PDE4B: variants seen among roughly 807,000 people sequenced by gnomAD.
PDE4B encodes 3',5'-cyclic-AMP phosphodiesterase 4B.
Under a neutral mutation model 82.2 loss-of-function variants are expected in PDE4B, and 20 were observed. The observed-to-expected ratio is 0.24, with a 90% CI of 0.17 to 0.35. The LOEUF (loss-of-function observed/expected upper bound fraction) is 0.35. Among genes scored for constraint, PDE4B ranks in the 10% least tolerant of loss-of-function variants. The probability of loss-of-function intolerance (pLI) is 1.00; values close to 1 mark genes in which losing one functional copy is unlikely to be tolerated. For missense variants in PDE4B, 655 were observed against 907.2 expected, an observed-to-expected ratio of 0.72 and a Z score of 3.57; for synonymous variants, 320 against 318.9, an observed-to-expected ratio of 1.00 and a Z score of -0.04.
intron 8 of PDE4B, among the ~76,000 whole-genome samples, chr1:66,336,552 G>T (rs1208241043): frequency 6.6e-6 from 1 of 152,154 alleles, no homozygotes; most frequent in Non-Finnish European, 1.5e-5. Flanking sequence ...ATTCTCCATT[G>T]GTTTGGCTCT....
intron 1 of PDE4B, among the ~76,000 whole-genome samples, chr1:65,877,207 T>C (rs1386021846): frequency 6.6e-6 from 1 of 152,158 alleles, no homozygotes; most frequent in African/African-American, 2.4e-5. Flanking sequence ...AACAGACATA[T>C]AGACCAATGG....
At position 66,262,809 on chromosome 1, in the gene PDE4B, A is replaced by G. The variant is rs147522980; in HGVS notation, c.585-3229A>G. On this transcript the variant is annotated intron_variant, in intron 6 of 16. Transcript: ENST00000341517. ...CACACAGAGATGCTTATCTGAATTGACAACTCTAAATAAAGCCATATTTTC... is the reference window on the plus strand; with the variant it reads ...CACACAGAGATGCTTATCTGAATTGGCAACTCTAAATAAAGCCATATTTTC... 2.7e-3 allele frequency among the ~76,000 whole-genome samples: 409 copies of G among 152,368 alleles called. 2 individuals are homozygous for G. Among genetic ancestry groups the G allele is most frequent in the African/African-American group, 9.4e-3 (391 of 41,592 alleles).
At chr1:66,284,130 A>G (rs926954478) in intron 7 of PDE4B, among the ~76,000 whole-genome samples, 10 of 152,240 alleles carry the variant, frequency 6.6e-5, no homozygotes, top group African/African-American at 2.2e-4. Context: ...AAGCATGAAT[A>G]AAGTGCTCTG....
intron 7 of PDE4B, among the ~76,000 whole-genome samples, chr1:66,300,702 A>C (rs543302309): frequency 6.6e-6 from 1 of 152,270 alleles, no homozygotes; most frequent in South Asian, 2.1e-4. Context: ...CCTGAACTCA[A>C]GATCTTTACC....
At chr1:66,319,753 A>G (rs540888166) in intron 7 of PDE4B, among the ~76,000 whole-genome samples, 23 of 152,344 alleles carry the variant, frequency 1.5e-4, no homozygotes, top group African/African-American at 5.5e-4. Flanking sequence ...GTAGATGAGG[A>G]TTAAAAGAGA....
chr1:66,154,845 C>T (rs1646472211), intron 3 of PDE4B, among the ~76,000 whole-genome samples: 2 of 152,114 alleles, frequency 1.3e-5, no homozygotes, highest in African/African-American at 4.8e-5. Context: ...CTTGTGGTTG[C>T]AGAATGCAGA....
chr1:66,111,794 G>T (rs536510225), intron 3 of PDE4B, among the ~76,000 whole-genome samples: 1 of 152,080 alleles, frequency 6.6e-6, no homozygotes, highest in South Asian at 2.1e-4. Context: ...TAGTTGATTA[G>T]GAGTCATACT....
chr1:65,848,573 C>A (rs1426281247), intron 1 of PDE4B, among the ~76,000 whole-genome samples: 6 of 152,156 alleles, frequency 3.9e-5, no homozygotes, highest in Admixed American at 2.0e-4. Context: ...TCAGCCCAAG[C>A]AAACACTGAT....
chr1:65,951,722 A>G (rs1044842291), intron 3 of PDE4B, among the ~76,000 whole-genome samples: 2 of 151,982 alleles, frequency 1.3e-5, no homozygotes, highest in Non-Finnish European at 2.9e-5. Context: ...CTTTAAATTG[A>G]CCTCTCCAAA....
chr1:66,174,408 G>A (rs1646892981), intron 3 of PDE4B, among the ~76,000 whole-genome samples: 3 of 152,142 alleles, frequency 2.0e-5, no homozygotes, highest in Admixed American at 1.3e-4. Context: ...AATTATGTAT[G>A]GGCTTAACCT....
intron 3 of PDE4B, among the ~76,000 whole-genome samples, chr1:65,926,348 T>C (rs181676534): frequency 6.2e-4 from 95 of 152,354 alleles, no homozygotes; most frequent in Middle Eastern, 6.8e-3. Context: ...CAGAAAACTT[T>C]CATAGCTACT....
At chr1:66,035,160 TTTAA>T (rs1256294511) in intron 3 of PDE4B, among the ~76,000 whole-genome samples, 6 of 152,200 alleles carry the variant, frequency 3.9e-5, no homozygotes, top group African/African-American at 1.2e-4. Context: ...GAATTTTTAG[TTTAA>T]TTAAAGACTG....
At chr1:66,233,369 A>G (rs1267878817) in intron 3 of PDE4B, among the ~76,000 whole-genome samples, 1 of 151,952 alleles carries the variant, frequency 6.6e-6, no homozygotes, top group Admixed American at 6.6e-5. Flanking sequence ...CAATTTGTTT[A>G]TCCATTCACC....
At chr1:66,326,177 T>C (rs1284756998) in intron 7 of PDE4B, among the ~76,000 whole-genome samples, 2 of 152,210 alleles carry the variant, frequency 1.3e-5, no homozygotes, top group Admixed American at 1.3e-4. Flanking sequence ...GAAATTCTGC[T>C]CTTGTTTTTT....
intron 8 of PDE4B, among the ~76,000 whole-genome samples, chr1:66,335,171 C>G (rs768318740): frequency 2.0e-5 from 3 of 152,130 alleles, no homozygotes; most frequent in Non-Finnish European, 4.4e-5. Flanking sequence ...CTCTGAGTTG[C>G]AGATCTGGAA....
chr1:65,929,176 G>T (rs1269055857), intron 3 of PDE4B, among the ~76,000 whole-genome samples: 1 of 152,128 alleles, frequency 6.6e-6, no homozygotes, highest in Non-Finnish European at 1.5e-5. Flanking sequence ...AGGAGAATCA[G>T]CATTACCTTG....
chr1:66,009,793 T>C (rs999975508), intron 3 of PDE4B, among the ~76,000 whole-genome samples: 1 of 152,152 alleles, frequency 6.6e-6, no homozygotes, highest in Non-Finnish European at 1.5e-5. Flanking sequence ...TCTTTGCCTT[T>C]CTACCATCAT....
intron 3 of PDE4B, among the ~76,000 whole-genome samples, chr1:66,239,822 C>T (rs552858057): frequency 1.2e-4 from 18 of 152,178 alleles, no homozygotes; most frequent in African/African-American, 3.6e-4. Flanking sequence ...CATTGTTCAC[C>T]CATTTCTTGA....
intron 1 of PDE4B, among the ~76,000 whole-genome samples, chr1:65,808,169 CTT>C (rs920861530): frequency 3.6e-4 from 47 of 128,932 alleles, no homozygotes; most frequent in Admixed American, 4.7e-4. Context: ...TAGACAAACA[CTT>C]TTTTTTTTTT....
Sources: gnomAD v4.1 joint callset for allele counts (sites outside exome capture counted in the v4.1 genomes callset) on GRCh38, gnomAD v4.1.1 for gene constraint, MANE v1.5 for transcripts, NCBI Gene and HGNC (gene_info 2026-07-23, HGNC 2026-07-21) for gene names.